The following SLCO1A2 variants were observed in gnomAD, a reference collection of about 807,000 sequenced individuals.
SLCO1A2 encodes the protein OATP-1.
In SLCO1A2, 67 loss-of-function variants were observed where a neutral mutation model predicts 69.0. That is an observed-to-expected ratio of 0.97 (90% CI 0.80 to 1.19). The LOEUF (loss-of-function observed/expected upper bound fraction) is 1.19. SLCO1A2 is among the 50% of genes most tolerant of loss of function. The pLI is 0.00. For missense variants in SLCO1A2, 787 were observed against 793.7 expected, an observed-to-expected ratio of 0.99 and a Z score of 0.10; for synonymous variants, 260 against 265.9, an observed-to-expected ratio of 0.98 and a Z score of 0.22.
chr12:21,363,049 T>C (rs1393006302), intron 2 of SLCO1A2, among the ~76,000 whole-genome samples: 6 of 152,178 alleles, frequency 3.9e-5, no homozygotes, highest in African/African-American at 1.2e-4. Context: ...GCGGACCTAA[T>C]AGACATCTAC....
At chr12:21,285,151 A>G (rs1228677080) in intron 12 of SLCO1A2, among the ~76,000 whole-genome samples, 26 of 146,816 alleles carry the variant, frequency 1.8e-4, no homozygotes, top group South Asian at 1.8e-3. Context: ...TCAAATAGAC[A>G]CAATAAAAAA....
intron 2 of SLCO1A2, among the ~76,000 whole-genome samples, chr12:21,351,420 G>T (rs1937944448): frequency 1.3e-5 from 2 of 152,128 alleles, no homozygotes; most frequent in South Asian, 2.1e-4. Flanking sequence ...ACCTCCAGGA[G>T]CATCATACAT....
Position 21,318,928 on chromosome 12 carries a change from GA to G in SLCO1A2, c.61-6del, listed in dbSNP as rs1162752924. 1.9e-6 allele frequency: 3 copies of G among 1,569,380 alleles called. No homozygotes were observed. The highest frequency in any genetic ancestry group is 2.3e-5 in the East Asian group (1 of 44,298). ...TGTTATTGCCAACAGAAACATCTAG[GA>G]AAAAAATATAAGAAAACGTAGAAAA... On this transcript the variant is annotated splice_polypyrimidine_tract_variant and splice_region_variant and intron_variant, in intron 2 of 14. Coordinates refer to ENST00000683939, the MANE Select transcript of SLCO1A2 (RefSeq NM_001386879.1).
In SLCO1A2 at chr12:21,415,448, C is replaced by G. The variant is rs1941974666; in HGVS notation, c.-312+2434G>C. On this transcript the variant is annotated intron_variant, in intron 1 of 4. Coordinates refer to the SLCO1A2 transcript ENST00000413682. ...CTTCCTTTTTATTTAAGTATTTTAT[C>G]TAAAACTGTTTTTAGTAGGAGCTTT... Among the ~76,000 whole-genome samples, 7 of 152,102 alleles carry G rather than the reference C, an allele frequency of 4.6e-5. No individual in the cohort carries two copies. In the South Asian group the frequency reaches 1.5e-3, roughly 32 times the overall value.
chr12:21,412,791 C>T (rs1417758894), intron 1 of SLCO1A2, among the ~76,000 whole-genome samples: 1 of 152,106 alleles, frequency 6.6e-6, no homozygotes, highest in East Asian at 1.9e-4. Flanking sequence ...TACTGGTGTT[C>T]CCTCATTAAT....
upstream of SLCO1A2, among the ~76,000 whole-genome samples, chr12:21,395,724 C>G (rs371932447): frequency 2.9e-4 from 44 of 152,106 alleles, no homozygotes; most frequent in African/African-American, 9.2e-4. Context: ...CCCTGACCCC[C>G]GAGCAGCCTA....
At chr12:21,373,864 G>A in intron 2 of SLCO1A2, 1 of 492,584 alleles carries the variant, frequency 2.0e-6, no homozygotes, top group Non-Finnish European at 3.6e-6. Context: ...AGATGTCTCT[G>A]GAAATGTTAA....
chr12:21,277,372 G>T (rs1044251856), intron 12 of SLCO1A2, among the ~76,000 whole-genome samples: 26 of 152,008 alleles, frequency 1.7e-4, no homozygotes, highest in African/African-American at 6.3e-4. Flanking sequence ...AGAGCCCTTG[G>T]GGCCTGAATA....
At chr12:21,387,731 A>C (rs890895703) in intron 1 of SLCO1A2, among the ~76,000 whole-genome samples, 1 of 152,190 alleles carries the variant, frequency 6.6e-6, no homozygotes, top group South Asian at 2.1e-4. Context: ...AGAGTCCCCA[A>C]TGGAATACTG....
chr12:21,397,464 C>T (rs1359914964), upstream of SLCO1A2, among the ~76,000 whole-genome samples: 21 of 151,534 alleles, frequency 1.4e-4, no homozygotes, highest in South Asian at 2.1e-4. Flanking sequence ...GACAGATCAA[C>T]GAGACAGAAA....
Position 21,322,176 on chromosome 12 carries a change from A to C in SLCO1A2, c.61-3253T>G, listed in dbSNP as rs527861265. On this transcript the variant is annotated intron_variant, in intron 2 of 14. Coordinates refer to ENST00000683939, the MANE Select transcript of SLCO1A2 (RefSeq NM_001386879.1). ...CTAAGCCGAGTGGCTTATAAACAAC[A>C]GAAATGTAATTCTCATAGTTCCAAA... 3.9e-5 allele frequency among the ~76,000 whole-genome samples: 6 copies of C among 152,372 alleles called. No homozygotes were observed. The South Asian group carries it at 1.2e-3, about 32-fold the overall frequency.
intron 1 of SLCO1A2, among the ~76,000 whole-genome samples, chr12:21,381,139 T>C (rs1940561540): frequency 6.6e-6 from 1 of 151,416 alleles, no homozygotes; most frequent in Admixed American, 6.6e-5. Context: ...CAAAAATAAA[T>C]GCAACAAAAA....
At chr12:21,345,195 C>T (rs1179482436) in intron 2 of SLCO1A2, among the ~76,000 whole-genome samples, 1 of 151,732 alleles carries the variant, frequency 6.6e-6, no homozygotes, top group African/African-American at 2.4e-5. Context: ...ACACTTCTGA[C>T]GTTTATGGTG....
At chr12:21,397,119 G>A (rs1037528334), upstream of SLCO1A2, among the ~76,000 whole-genome samples, 10 of 151,894 alleles carry the variant, frequency 6.6e-5, no homozygotes, top group African/African-American at 1.7e-4. Context: ...TGCAGTATTC[G>A]GGAGACCCAT....
At chr12:21,294,249 C>T in intron 10 of SLCO1A2, 139 bp from the exon 11 acceptor site, 1 of 631,430 alleles carries the variant, frequency 1.6e-6, no homozygotes, top group Non-Finnish European at 2.6e-6. Context: ...AATGTGTGAC[C>T]TGTTTACTAT....
intron 2 of SLCO1A2, among the ~76,000 whole-genome samples, chr12:21,347,695 A>AGGAAGGAAGGAAGGAAGGAAGGAG: frequency 6.9e-6 from 1 of 145,088 alleles, no homozygotes; most frequent in Middle Eastern, 3.5e-3. Flanking sequence ...GAAGGAAGGA[A>AGGAAGGAAGGAAGGAAGGAAGGAG]GGAAGAAGGA....
chr12:21,407,866 T>C (rs1941847438), intron 1 of SLCO1A2, among the ~76,000 whole-genome samples: 2 of 150,754 alleles, frequency 1.3e-5, no homozygotes, highest in South Asian at 2.1e-4. Flanking sequence ...GAGACAGGAC[T>C]GGCCAGGGGA....
chr12:21,315,441 G>T (rs1182934080), intron 3 of SLCO1A2, among the ~76,000 whole-genome samples: 5 of 152,010 alleles, frequency 3.3e-5, no homozygotes, highest in Non-Finnish European at 7.4e-5. Flanking sequence ...ACAAATATAC[G>T]AATAAGTTTT....
chr12:21,330,952 T>A (rs1409907095), intron 2 of SLCO1A2, among the ~76,000 whole-genome samples: 1 of 152,294 alleles, frequency 6.6e-6, no homozygotes, highest in East Asian at 1.9e-4. Context: ...CATTTTATCT[T>A]AGGACAAAAA....
Sources: allele counts gnomAD v4.1 joint callset (sites outside exome capture counted in the v4.1 genomes callset), GRCh38; gene constraint gnomAD v4.1.1; transcripts MANE v1.5; gene names NCBI Gene and HGNC (gene_info 2026-07-23, HGNC 2026-07-21).